The following ST18 variants were observed in gnomAD, a reference collection of about 807,000 sequenced individuals.
The protein encoded by ST18 is ST18 C2H2C-type zinc finger transcription factor, also known as suppression of tumorigenicity 18 protein.
A neutral mutation model predicts 110.0 loss-of-function variants in ST18; 50 were observed. The ratio of observed to expected loss-of-function variants is 0.45; its 90% CI spans 0.36 to 0.58. ST18 has a LOEUF of 0.58. Among genes scored for constraint, ST18 ranks in the 20% least tolerant of loss-of-function variants. ST18 has a pLI of 0.00. For synonymous variants in ST18, 461 were observed against 452.4 expected, an observed-to-expected ratio of 1.02 and a Z score of -0.24; for missense variants, 1,306 against 1,280.1, an observed-to-expected ratio of 1.02 and a Z score of -0.31.
intron 2 of ST18, among the ~76,000 whole-genome samples, chr8:52,363,672 G>C (rs1171642906): frequency 6.6e-6 from 1 of 152,090 alleles, no homozygotes; most frequent in Non-Finnish European, 1.5e-5. Flanking sequence ...AAGATAAGGA[G>C]CCCAACTAAG....
intron 5 of ST18, among the ~76,000 whole-genome samples, chr8:52,218,702 C>T (rs966743791): frequency 2.0e-5 from 3 of 151,734 alleles, no homozygotes; most frequent in African/African-American, 4.8e-5. Context: ...ACCCGGCTGC[C>T]GCTCTTAATT....
At position 52,116,383 on chromosome 8, in the gene ST18, C is replaced by G. The variant is rs762921002; in HGVS notation, c.2895G>C (p.Glu965Asp). 5.6e-6 allele frequency: 9 copies of G among 1,613,936 alleles called. No individual in the cohort carries two copies. Among genetic ancestry groups the G allele is most frequent in the Middle Eastern group, 1.6e-4 (1 of 6,062 alleles). The change falls in exon 25 of 26, where the codon GAG (glutamate) becomes GAC (aspartate). Residue 965 changes from glutamate to aspartate, a missense_variant. Glu to Asp is a conservative substitution (Grantham distance 45). Coordinates refer to ENST00000689386, the MANE Select transcript of ST18 (RefSeq NM_001352837.2). ...TCTGTTCTATGAGTTTGTTCTCCTC[C>G]TCTATCGTCTTTAAGTTGCTCTCCA... ...TSMESNLKTI[E>D]EENKLIEQNN...
In ST18 at chr8:52,301,452, C is replaced by G. The variant is rs182099656; in HGVS notation, c.-464-71375G>C. On this transcript the variant is annotated intron_variant, in intron 2 of 25. Coordinates refer to ENST00000689386, the MANE Select transcript of ST18 (RefSeq NM_001352837.2). ...TAATGCACTGGTTGTGTTACTAAGT[C>G]ACAGAGGAAAAGCAAACTATCATCT... is the stretch of plus-strand genomic sequence containing the variant. Among the ~76,000 whole-genome samples, 199 of 152,208 alleles carry G rather than the reference C, an allele frequency of 1.3e-3. 1 individual carries two copies. Among genetic ancestry groups the G allele is most frequent in the South Asian group, 3.5e-3 (17 of 4,810 alleles).
At position 52,166,987 on chromosome 8, in the gene ST18, C is replaced by T. The variant is rs1164022687; in HGVS notation, c.1070-1G>A. On this transcript the variant is annotated splice_acceptor_variant, in intron 10 of 25. Coordinates refer to ENST00000689386, the MANE Select transcript of ST18 (RefSeq NM_001352837.2). LOFTEE classifies it high-confidence loss of function. Reference sequence around the variant, plus strand: ...TCCCTCTTTTCAGGCCTTGGTGAATCTATGGAGAAATTCAATTGAGAAATG... The same window carrying T: ...TCCCTCTTTTCAGGCCTTGGTGAATTTATGGAGAAATTCAATTGAGAAATG... 6.2e-7 allele frequency: 1 copy of T among 1,602,838 alleles called. No homozygotes were observed. Among genetic ancestry groups the T allele is most frequent in the Non-Finnish European group, 8.5e-7 (1 of 1,172,784 alleles).
At chr8:52,392,183 T>C (rs1839535465) in intron 2 of ST18, among the ~76,000 whole-genome samples, 1 of 152,132 alleles carries the variant, frequency 6.6e-6, no homozygotes, top group Non-Finnish European at 1.5e-5. Context: ...AGGATTTATG[T>C]TGGAATTGAA....
chr8:52,287,176 G>C (rs565424206), intron 2 of ST18, among the ~76,000 whole-genome samples: 1 of 152,246 alleles, frequency 6.6e-6, no homozygotes, highest in South Asian at 2.1e-4. Context: ...TGAAGGTCCA[G>C]AGAAATTAGA....
chr8:52,406,181 C>T (rs369357471), intron 2 of ST18: 3 of 152,176 alleles, frequency 2.0e-5, no homozygotes, highest in Non-Finnish European at 4.4e-5. Context: ...TTCTTTTAAA[C>T]GCAACACAGA....
At chr8:52,290,484 GA>G (rs1370426714) in intron 2 of ST18, among the ~76,000 whole-genome samples, 3 of 152,142 alleles carry the variant, frequency 2.0e-5, no homozygotes, top group Admixed American at 1.3e-4. Flanking sequence ...AAAGAATAGA[GA>G]AGCCAAAAAA....
chr8:52,344,272 A>G (rs1033186551), intron 2 of ST18, among the ~76,000 whole-genome samples: 1 of 152,200 alleles, frequency 6.6e-6, no homozygotes, highest in South Asian at 2.1e-4. Flanking sequence ...AACTAATACA[A>G]TGTGTGTATT....
intron 2 of ST18, among the ~76,000 whole-genome samples, chr8:52,368,540 A>G (rs1363385035): frequency 6.6e-6 from 1 of 152,200 alleles, no homozygotes; most frequent in Non-Finnish European, 1.5e-5. Context: ...AAAGGACATC[A>G]TGTTTAAACA....
rs149680511 is a variant in ST18 at position 52,259,961 on chromosome 8, T to C, written c.-464-29884A>G. On this transcript the variant is annotated intron_variant, in intron 2 of 25. Transcript: ENST00000689386. ...AAGAAATTTATACCAGTAAAAAAGGTTTCTAATGTTGCATCTTATAAACTT... is the reference window on the plus strand; with the variant it reads ...AAGAAATTTATACCAGTAAAAAAGGCTTCTAATGTTGCATCTTATAAACTT... Among the ~76,000 whole-genome samples, 72 of 152,306 alleles carry C rather than the reference T, an allele frequency of 4.7e-4. No homozygotes were observed. In the East Asian group the frequency reaches 0.014, roughly 29 times the overall value.
At chr8:52,386,363 T>TTGATTC (rs879675638) in intron 2 of ST18, among the ~76,000 whole-genome samples, 1 of 152,120 alleles carries the variant, frequency 6.6e-6, no homozygotes, top group Non-Finnish European at 1.5e-5. Flanking sequence ...ATTTAGCACT[T>TTGATTC]TGATTCTGTG....
intron 8 of ST18, among the ~76,000 whole-genome samples, chr8:52,187,275 T>C (rs2072674801): frequency 6.6e-6 from 1 of 152,228 alleles, no homozygotes. Flanking sequence ...CCCACTGGAT[T>C]CTTGTAATAA....
chr8:52,258,718 A>T (rs1434888731), intron 2 of ST18, among the ~76,000 whole-genome samples: 1 of 152,112 alleles, frequency 6.6e-6, no homozygotes. Flanking sequence ...GATGACTTAT[A>T]TTTCTTTTTA....
intron 2 of ST18, among the ~76,000 whole-genome samples, chr8:52,397,912 G>A (rs148215398): frequency 6.6e-6 from 1 of 151,810 alleles, no homozygotes; most frequent in Non-Finnish European, 1.5e-5. Flanking sequence ...TCTTAGTATT[G>A]CTGTGGCTAG....
intron 2 of ST18, among the ~76,000 whole-genome samples, chr8:52,342,004 C>T (rs187391305): frequency 1.3e-5 from 2 of 152,308 alleles, no homozygotes; most frequent in African/African-American, 4.8e-5. Flanking sequence ...AGAAGGAATA[C>T]ATTCAAAAGA....
chr8:52,350,712 GAT>G (rs1393347542), intron 2 of ST18, among the ~76,000 whole-genome samples: 1 of 151,310 alleles, frequency 6.6e-6, no homozygotes, highest in Non-Finnish European at 1.5e-5. Flanking sequence ...CGTGTCACTT[GAT>G]ATATATATAC....
intron 22 of ST18, among the ~76,000 whole-genome samples, chr8:52,128,117 C>T (rs546793576): frequency 1.3e-5 from 2 of 152,134 alleles, no homozygotes; most frequent in Middle Eastern, 3.4e-3. Flanking sequence ...TATAGGTGCA[C>T]ACCACCACAC....
intron 2 of ST18, among the ~76,000 whole-genome samples, chr8:52,243,124 C>A (rs1456476630): frequency 6.6e-6 from 1 of 152,110 alleles, no homozygotes; most frequent in Non-Finnish European, 1.5e-5. Flanking sequence ...GAACAGTCTA[C>A]TTCTGATATC....
Sources: allele counts gnomAD v4.1 joint callset (sites outside exome capture counted in the v4.1 genomes callset), GRCh38; gene constraint gnomAD v4.1.1; transcripts MANE v1.5; gene names NCBI Gene and HGNC (gene_info 2026-07-23, HGNC 2026-07-21).